Variants in VPS8 observed in about 807,000 individuals in gnomAD.
The protein encoded by VPS8 is VPS8 subunit of CORVET complex.
Under a neutral mutation model 216.4 loss-of-function variants are expected in VPS8, and 129 were observed. The ratio of observed to expected loss-of-function variants is 0.60; its 90% CI spans 0.52 to 0.69. The LOEUF (loss-of-function observed/expected upper bound fraction) is 0.69. Among genes scored for constraint, VPS8 ranks in the 30% least tolerant of loss-of-function variants. The pLI is 0.00. For synonymous variants in VPS8, 571 were observed against 565.4 expected, an observed-to-expected ratio of 1.01 and a Z score of -0.14; for missense variants, 1,531 against 1,683.5, an observed-to-expected ratio of 0.91 and a Z score of 1.59.
In VPS8 at chr3:184,982,503, T is replaced by C. The variant is rs951141812; in HGVS notation, c.3421-63T>C. 8.0e-6 allele frequency: 10 copies of C among 1,244,062 alleles called. No homozygotes were observed. In the African/African-American group the frequency reaches 1.3e-4, roughly 17 times the overall value. 77.1% of individuals were successfully genotyped at this position (1,244,062 alleles called of 1,614,324 possible). Reference sequence around the variant, plus strand: ...AACATCATGCTGATGTTAGTTATTCTTTTGTTTTTCATTGTTTTCTTTGAC... The same window carrying C: ...AACATCATGCTGATGTTAGTTATTCCTTTGTTTTTCATTGTTTTCTTTGAC... On this transcript the variant is annotated intron_variant, in intron 40 of 47. Coordinates refer to ENST00000625842, the MANE Select transcript of VPS8 (RefSeq NM_001009921.3).
At chr3:184,929,179 A>T (rs1255859135) in intron 32 of VPS8, among the ~76,000 whole-genome samples, 2 of 152,202 alleles carry the variant, frequency 1.3e-5, no homozygotes, top group Non-Finnish European at 2.9e-5. Flanking sequence ...TAGAAATCAC[A>T]TCTACTATAT....
rs144814903 is a variant in VPS8, at chr3:184,844,677, T to G, written c.541+1432T>G. ...TTGTACATTATTTGTGACTTTTCTT[T>G]GCTATTCAGCATATTATTCTTAAGT... is the stretch of plus-strand genomic sequence containing the variant. On this transcript the variant is annotated intron_variant, in intron 8 of 47. Transcript: ENST00000625842. Among the ~76,000 whole-genome samples, 299 of 152,344 alleles carry G rather than the reference T, an allele frequency of 2.0e-3. 1 individual carries two copies. Among genetic ancestry groups the G allele is most frequent in the African/African-American group, 6.5e-3 (270 of 41,580 alleles).
At position 184,996,375 on chromosome 3, in the gene VPS8, A is replaced by G. The variant is rs746240112; in HGVS notation, c.3710A>G (p.His1237Arg). The change falls in exon 44 of 48, where the codon CAT becomes CGT. Residue 1237 changes from histidine to arginine, a missense_variant. His to Arg is a conservative substitution (Grantham distance 29). Coordinates refer to ENST00000625842, the MANE Select transcript of VPS8 (RefSeq NM_001009921.3). ...ACCAGCCTTCTAAACCAAGATCTCC[A>G]TTGGTCATTGTGTAACCTGAGAGCT... is the stretch of plus-strand genomic sequence containing the variant. Reference protein sequence around the residue: ...TTTSLLNQDLHWSLCNLRASV... With the variant: ...TTTSLLNQDLRWSLCNLRASV... The G allele has an allele frequency of 7.4e-6, 12 of 1,613,800 alleles. 1 individual carries two copies. In the South Asian group the frequency reaches 8.8e-5, roughly 12 times the overall value.
At chr3:184,910,723 G>A (rs1024119387) in intron 25 of VPS8, among the ~76,000 whole-genome samples, 2 of 152,130 alleles carry the variant, frequency 1.3e-5, no homozygotes, top group African/African-American at 4.8e-5. Context: ...GCCGTGCCAG[G>A]AAGGTTAGGG....
chr3:184,890,094 G>T (rs552765050), intron 22 of VPS8, among the ~76,000 whole-genome samples: 14 of 152,270 alleles, frequency 9.2e-5, no homozygotes, highest in South Asian at 8.3e-4. Context: ...TGTAGCGGAG[G>T]ATTGTCAGAT....
At chr3:184,889,502 C>T (rs116096706) in intron 22 of VPS8, among the ~76,000 whole-genome samples, 245 of 152,224 alleles carry the variant, frequency 1.6e-3, no homozygotes, top group African/African-American at 5.7e-3. Context: ...GTACAAAGAG[C>T]GTATGGATGG....
Position 185,024,333 on chromosome 3 carries a change from C to G in VPS8, c.4003-3C>G. ...TATTAAAATGTTTGCCTTTTTTTTCCAGGTAAAAATGTCTCCATCGTATCA... is the reference window on the plus strand; with the variant it reads ...TATTAAAATGTTTGCCTTTTTTTTCGAGGTAAAAATGTCTCCATCGTATCA... On this transcript the variant is annotated splice_region_variant and splice_polypyrimidine_tract_variant and intron_variant, in intron 45 of 47. Coordinates refer to ENST00000625842, the MANE Select transcript of VPS8 (RefSeq NM_001009921.3). The G allele has an allele frequency of 6.3e-7, 1 of 1,584,216 alleles. No homozygotes were observed. Among genetic ancestry groups the G allele is most frequent in the Non-Finnish European group, 8.6e-7 (1 of 1,164,350 alleles).
rs1237607155 is a variant in VPS8, at chr3:184,957,420, A to G, written c.3082A>G (p.Ile1028Val). The change falls in exon 37 of 48, where the codon ATC becomes GTC. Residue 1028 changes from isoleucine (I) to valine (V), a missense_variant. Around this residue, in one of 3 missense-constraint regions of VPS8, gnomAD observed 1,318 missense variants for 1,468.4 expected, o/e 0.90. Transcript: ENST00000625842. ...NQELLQISPC[I>V]TEQFIELLCQ... Reference sequence around the variant, plus strand: ...AGAATTACTGCAAATATCTCCTTGTATCACAGAGCAGTTCATTGAGCTGTT... The same window carrying G: ...AGAATTACTGCAAATATCTCCTTGTGTCACAGAGCAGTTCATTGAGCTGTT... The G allele has an allele frequency of 1.2e-6, 2 of 1,612,102 alleles. No individual in the cohort carries two copies. Among genetic ancestry groups the G allele is most frequent in the Non-Finnish European group, 8.5e-7 (1 of 1,179,140 alleles).
chr3:184,824,547 A>G lies in VPS8; in HGVS notation c.-86A>G. 1 of 1,368,660 alleles carries G rather than the reference A, an allele frequency of 7.3e-7. No homozygotes were observed. The highest frequency in any genetic ancestry group is 1.9e-4 in the Middle Eastern group (1 of 5,330). 84.8% of individuals were successfully genotyped at this position (1,368,660 alleles called of 1,614,324 possible). On this transcript the variant is annotated splice_region_variant and 5_prime_UTR_variant, in exon 2 of 48. Transcript: ENST00000625842. ...TGTTTTTTTCTTTTTTTGAAAAGAG[A>G]TAATCATTCAGGTCTTCGTGAGCTA...
intron 47 of VPS8, among the ~76,000 whole-genome samples, chr3:185,049,044 T>C (rs570540953): frequency 6.6e-6 from 1 of 152,362 alleles, no homozygotes; most frequent in African/African-American, 2.4e-5. Context: ...AGCTTTCTTC[T>C]GTCCTGTTGC....
rs368451495 is a variant in VPS8 at position 184,942,570 on chromosome 3, A to G, written c.3035+2327A>G. Among the ~76,000 whole-genome samples the G allele has an allele frequency of 6.5e-4, 99 of 152,282 alleles. 4 individuals carry two copies. In the South Asian group the frequency reaches 0.02, roughly 30 times the overall value. Reference sequence around the variant, plus strand: ...AGAAATTAAGAGCCTTGAAGTCACCAGCTTACCTTAGCTCTGCCTTTAAAA... The same window carrying G: ...AGAAATTAAGAGCCTTGAAGTCACCGGCTTACCTTAGCTCTGCCTTTAAAA... On this transcript the variant is annotated intron_variant, in intron 36 of 47. Coordinates refer to ENST00000625842, the MANE Select transcript of VPS8 (RefSeq NM_001009921.3).
At chr3:185,030,431 T>TCTGGC (rs141842289) in intron 46 of VPS8, among the ~76,000 whole-genome samples, 6,062 of 152,250 alleles carry the variant, frequency 0.04, 208 homozygotes, top group East Asian at 0.1. Flanking sequence ...GGCCAGGTGC[T>TCTGGC]CTGGCTGAAG....
At chr3:185,041,289 T>C (rs980818257) in intron 46 of VPS8, among the ~76,000 whole-genome samples, 5 of 152,196 alleles carry the variant, frequency 3.3e-5, no homozygotes, top group African/African-American at 1.2e-4. Flanking sequence ...GCTCCCATGC[T>C]AATGCAACTG....
chr3:185,002,064 C>A (rs916687525), intron 45 of VPS8, among the ~76,000 whole-genome samples: 2 of 152,014 alleles, frequency 1.3e-5, no homozygotes, highest in African/African-American at 4.8e-5. Context: ...AAACCCAGAA[C>A]TAGAAGGTAA....
rs777484346 is a variant in VPS8 at position 184,894,693 on chromosome 3, T to G, written c.1782-10T>G. 1.5e-5 allele frequency: 24 copies of G among 1,577,908 alleles called. No individual in the cohort carries two copies. The African/African-American group carries it at 3.0e-4, about 20-fold the overall frequency. Reference sequence around the variant, plus strand: ...TCCTAAAAGTTTTTCTCCCCCCCTTTCTGTTACAGGGATCTTTTATTTAGT... The same window carrying G: ...TCCTAAAAGTTTTTCTCCCCCCCTTGCTGTTACAGGGATCTTTTATTTAGT... On this transcript the variant is annotated splice_polypyrimidine_tract_variant and intron_variant, in intron 22 of 47. Transcript: ENST00000625842.
rs1217225162 is a variant in VPS8, at chr3:184,940,276, A to ATATG, written c.3035+36_3035+37insGTAT. On this transcript the variant is annotated intron_variant, in intron 36 of 47. Coordinates refer to ENST00000625842, the MANE Select transcript of VPS8 (RefSeq NM_001009921.3). ...GACAAACTTTAGTCTTTCATTATAT[A>ATATG]TATATATATATATGAGAAATAAAAG... 2.7e-5 allele frequency: 22 copies of ATATG among 805,576 alleles called. 2 individuals are homozygous for ATATG. The highest frequency in any genetic ancestry group is 1.2e-5 in the Non-Finnish European group (7 of 592,374). 49.9% of individuals were successfully genotyped at this position (805,576 alleles called of 1,614,324 possible). A position where few individuals can be genotyped will look rare whatever the true frequency, so the allele number is the denominator to read the frequency against.
chr3:184,909,537 A>G (rs554899183), intron 25 of VPS8, among the ~76,000 whole-genome samples: 6 of 151,940 alleles, frequency 3.9e-5, no homozygotes. Context: ...TGTCAATTCA[A>G]CTGTTAAATC....
intron 39 of VPS8, among the ~76,000 whole-genome samples, chr3:184,971,344 T>C (rs906046242): frequency 1.3e-5 from 2 of 152,204 alleles, no homozygotes; most frequent in African/African-American, 4.8e-5. Flanking sequence ...AGGTGAATGA[T>C]AATCTCTCTA....
chr3:184,849,421 T>C, intron 9 of VPS8: 2 of 381,402 alleles, frequency 5.2e-6, no homozygotes. Context: ...ATGTGTCTAT[T>C]TGAGTAAATA....
Sources: allele counts gnomAD v4.1 joint callset (sites outside exome capture counted in the v4.1 genomes callset), GRCh38; gene constraint gnomAD v4.1.1; regional missense constraint gnomAD v4.1.1; transcripts MANE v1.5; gene names NCBI Gene and HGNC (gene_info 2026-07-23, HGNC 2026-07-21).